Variants in MEGF11 observed in about 807,000 individuals in gnomAD.
MEGF11 encodes multiple epidermal growth factor-like domains protein 11.
MEGF11 carries 126 observed loss-of-function variants against 146.6 expected under a neutral mutation model. The ratio of observed to expected loss-of-function variants is 0.86; its 90% CI spans 0.74 to 1.00. The LOEUF (loss-of-function observed/expected upper bound fraction) is 1.00, where lower values mean the gene tolerates loss of function less well. Ranked by LOEUF, MEGF11 falls within the 50% of genes least tolerant of loss-of-function variation. The pLI is 0.00. For synonymous variants in MEGF11, 532 were observed against 583.4 expected (o/e 0.91, Z 1.27); for missense variants, 1,509 against 1,521.2 (o/e 0.99, Z 0.13).
At chr15:66,226,566 T>G (rs1202743095) in intron 1 of MEGF11, among the ~76,000 whole-genome samples, 1 of 152,188 alleles carries the variant, frequency 6.6e-6, no homozygotes, top group African/African-American at 2.4e-5. Flanking sequence ...TACTTAATAA[T>G]GGCCCCAAAG....
intron 9 of MEGF11, among the ~76,000 whole-genome samples, chr15:65,958,203 G>A (rs2080725938): frequency 6.6e-6 from 1 of 152,242 alleles, no homozygotes. Context: ...GTTGGGCTGA[G>A]TGAAAACAAG....
At chr15:66,030,661 C>T (rs1346432560) in intron 5 of MEGF11, among the ~76,000 whole-genome samples, 3 of 152,096 alleles carry the variant, frequency 2.0e-5, no homozygotes, top group Middle Eastern at 3.2e-3. Flanking sequence ...CTGCCTGCCT[C>T]GGCCTCCCAA....
At chr15:66,211,245 C>T (rs912986056) in intron 1 of MEGF11, among the ~76,000 whole-genome samples, 7 of 152,334 alleles carry the variant, frequency 4.6e-5, no homozygotes, top group Admixed American at 1.3e-4. Flanking sequence ...ATCATCCAGC[C>T]GGGCTTGGTG....
At chr15:66,133,428 G>A (rs927889420) in intron 1 of MEGF11, among the ~76,000 whole-genome samples, 4 of 152,174 alleles carry the variant, frequency 2.6e-5, no homozygotes, top group Admixed American at 2.6e-4. Flanking sequence ...CCGGCATGTG[G>A]GTGGAGAAAG....
intron 2 of MEGF11, among the ~76,000 whole-genome samples, 172 bp downstream of exon 2, chr15:66,128,134 A>G (rs2088464076): frequency 6.6e-6 from 1 of 151,530 alleles, no homozygotes; most frequent in African/African-American, 2.4e-5. Flanking sequence ...CTGACCTTCC[A>G]GACAGAATCT....
At chr15:66,234,887 G>A (rs958972383) in intron 1 of MEGF11, among the ~76,000 whole-genome samples, 1 of 151,652 alleles carries the variant, frequency 6.6e-6, no homozygotes, top group Admixed American at 6.6e-5. Flanking sequence ...CAGTGGGGGA[G>A]TCCCAGAGCA....
intron 5 of MEGF11, among the ~76,000 whole-genome samples, chr15:66,046,063 A>T (rs1337478205): frequency 2.6e-5 from 4 of 152,294 alleles, no homozygotes; most frequent in Middle Eastern, 3.4e-3. Flanking sequence ...AGATCCCACC[A>T]CTGCATTCCA....
chr15:65,999,752 C>T (rs1034041753), intron 5 of MEGF11, among the ~76,000 whole-genome samples: 1 of 152,174 alleles, frequency 6.6e-6, no homozygotes, highest in Non-Finnish European at 1.5e-5. Flanking sequence ...ACAAAACATT[C>T]AAGAAAATGT....
chr15:66,141,313 G>T (rs949451443), intron 1 of MEGF11, among the ~76,000 whole-genome samples: 1 of 117,210 alleles, frequency 8.5e-6, no homozygotes, highest in Non-Finnish European at 1.9e-5. Context: ...AGAGAGACAG[G>T]GATAGGCTCA....
chr15:66,177,511 G>T (rs1416220140), intron 1 of MEGF11, among the ~76,000 whole-genome samples: 1 of 151,800 alleles, frequency 6.6e-6, no homozygotes, highest in Non-Finnish European at 1.5e-5. Context: ...CCTCTCCTCT[G>T]GTTCCAGGGG....
chr15:65,936,271 C>G (rs1366044563), intron 10 of MEGF11, among the ~76,000 whole-genome samples: 3 of 152,192 alleles, frequency 2.0e-5, no homozygotes, highest in Non-Finnish European at 4.4e-5. Flanking sequence ...CATCCTAGCA[C>G]TGGATGGTTG....
At chr15:65,954,730 C>T (rs1373642568) in intron 10 of MEGF11, among the ~76,000 whole-genome samples, 1 of 152,220 alleles carries the variant, frequency 6.6e-6, no homozygotes, top group African/African-American at 2.4e-5. Flanking sequence ...GGAAGAGAGG[C>T]AGTGGCCTGG....
intron 8 of MEGF11, among the ~76,000 whole-genome samples, chr15:65,969,230 G>T (rs577441488): frequency 6.6e-6 from 1 of 152,206 alleles, no homozygotes; most frequent in Admixed American, 6.5e-5. Flanking sequence ...CCCTGGGCCT[G>T]CTCATTTCCA....
At chr15:65,963,472 A>G (rs1390016763) in intron 9 of MEGF11, among the ~76,000 whole-genome samples, 1 of 151,088 alleles carries the variant, frequency 6.6e-6, no homozygotes, top group Non-Finnish European at 1.5e-5. Flanking sequence ...ATATTGGGTA[A>G]TTCATATCTC....
rs1567188930 is a variant in MEGF11, at chr15:65,982,499, C to CGG, written c.395-13_395-12dup. 6.8e-7 allele frequency: 1 copy of CGG among 1,470,174 alleles called. No homozygotes were observed. The highest frequency in any genetic ancestry group is 9.0e-7 in the Non-Finnish European group (1 of 1,111,462). The allele number at this position is 1,470,174 out of a possible 1,614,324, so 91.1% of individuals were successfully genotyped here. A position where few individuals can be genotyped will look rare whatever the true frequency, so the allele number is the denominator to read the frequency against. ...GGTCGCTGTCGCAGCCTGCAAGAGA[C>CGG]GGGACAGTCAGGGATCAGGAGCCCC... On this transcript the variant is annotated splice_polypyrimidine_tract_variant and intron_variant, in intron 5 of 25. Coordinates refer to ENST00000395614, the MANE Select transcript of MEGF11 (RefSeq NM_001385028.1). The surrounding 1 kb of genome is among the most constrained non-coding windows in gnomAD (Gnocchi z 5.6).
intron 5 of MEGF11, among the ~76,000 whole-genome samples, chr15:66,081,626 G>T (rs1258307790): frequency 6.6e-6 from 1 of 152,146 alleles, no homozygotes; most frequent in African/African-American, 2.4e-5. Context: ...TGATCCACCT[G>T]CCTCAGCCTT....
chr15:65,929,525 A>G (rs1438812612), intron 12 of MEGF11, among the ~76,000 whole-genome samples, 195 bp downstream of exon 12: 1 of 152,176 alleles, frequency 6.6e-6, no homozygotes, highest in Non-Finnish European at 1.5e-5. Flanking sequence ...TTGCCATTTT[A>G]TAGACGAGGG....
At chr15:65,972,343 C>A in intron 7 of MEGF11, among the ~76,000 whole-genome samples, 1 of 152,258 alleles carries the variant, frequency 6.6e-6, no homozygotes, top group East Asian at 1.9e-4. Context: ...TAAAACAAGA[C>A]CCACATCAAG....
intron 5 of MEGF11, among the ~76,000 whole-genome samples, chr15:66,047,873 A>C (rs1175159964): frequency 6.6e-6 from 1 of 151,962 alleles, no homozygotes; most frequent in Non-Finnish European, 1.5e-5. Context: ...CGTGGTCTGA[A>C]GTAGAAGGTG....
Sources: gnomAD v4.1 joint callset for allele counts (sites outside exome capture counted in the v4.1 genomes callset) on GRCh38, gnomAD v4.1.1 for gene constraint, Gnocchi (gnomAD v3.1) non-coding constraint, MANE v1.5 for transcripts, NCBI Gene and HGNC (gene_info 2026-07-23, HGNC 2026-07-21) for gene names.